ZFAND6: variants seen among roughly 807,000 people sequenced by gnomAD.
ZFAND6 encodes the protein zinc finger AN1-type containing 6, also known as AN1-type zinc finger protein 6.
In ZFAND6, 12 loss-of-function variants were observed where a neutral mutation model predicts 24.5. The ratio of observed to expected loss-of-function variants is 0.49; its 90% CI spans 0.31 to 0.79. The LOEUF is 0.79. Among genes scored for constraint, ZFAND6 ranks in the 30% least tolerant of loss-of-function variants. The probability of loss-of-function intolerance (pLI) is 0.04; values close to 1 mark genes in which losing one functional copy is unlikely to be tolerated. For synonymous variants in ZFAND6, 92 were observed against 81.5 expected (o/e 1.13, Z -0.69); for missense variants, 207 against 245.9 (o/e 0.84, Z 1.06).
chr15:80,102,933 A>C (rs1268444363), intron 2 of ZFAND6, among the ~76,000 whole-genome samples: 3 of 152,216 alleles, frequency 2.0e-5, no homozygotes, highest in Non-Finnish European at 4.4e-5. Flanking sequence ...TCTTTGGAAA[A>C]TCATATGTAA....
chr15:80,064,278 C>G (rs1038729541), intron 1 of ZFAND6, among the ~76,000 whole-genome samples: 14 of 152,034 alleles, frequency 9.2e-5, no homozygotes, highest in Non-Finnish European at 1.6e-4. Flanking sequence ...AAAAGTTTGA[C>G]TAACATCAAA....
At position 80,079,038 on chromosome 15, in the gene ZFAND6, C is replaced by G. The variant is rs1393097835; in HGVS notation, c.-181+19229C>G. ...TATCTCCTAATGCTATCCCTCCCCC[C>G]TCCCGCCACCCCACAACAGTCCCCA... On this transcript the variant is annotated intron_variant, in intron 1 of 6. Coordinates refer to ENST00000261749, the MANE Select transcript of ZFAND6 (RefSeq NM_019006.4). Among the ~76,000 whole-genome samples, 8 of 151,502 alleles carry G rather than the reference C, an allele frequency of 5.3e-5. No individual in the cohort carries two copies. In the South Asian group the frequency reaches 1.5e-3, roughly 28 times the overall value.
intron 6 of ZFAND6, chr15:80,131,631 A>G (rs2040607456): frequency 1.3e-5 from 4 of 319,940 alleles, no homozygotes; most frequent in Non-Finnish European, 2.3e-5. Context: ...AGTACTTTCT[A>G]TATATAAAAT....
intron 2 of ZFAND6, among the ~76,000 whole-genome samples, chr15:80,103,433 A>G (rs549749853): frequency 6.6e-6 from 1 of 152,226 alleles, no homozygotes; most frequent in Admixed American, 6.5e-5. Context: ...GTGGATATTC[A>G]CTCAGAACAT....
intron 1 of ZFAND6, among the ~76,000 whole-genome samples, chr15:80,062,995 AC>A (rs1458954997): frequency 6.6e-6 from 1 of 152,226 alleles, no homozygotes. Flanking sequence ...CATTGCTTCA[AC>A]TTTTCTACTC....
chr15:80,115,439 A>G (rs550258888), intron 2 of ZFAND6, among the ~76,000 whole-genome samples: 1 of 152,276 alleles, frequency 6.6e-6, no homozygotes, highest in African/African-American at 2.4e-5. Context: ...CAGTTAAGGA[A>G]TTGTTCTGCC....
At chr15:80,120,237 C>G (rs1916048) in intron 2 of ZFAND6, 91 bp from the exon 3 acceptor site, 2 of 1,119,348 alleles carry the variant, frequency 1.8e-6, no homozygotes, top group Non-Finnish European at 2.4e-6. Flanking sequence ...TATATGTGGG[C>G]TTTTTTCTTT....
chr15:80,060,120 GTTC>G (rs1202146279), intron 1 of ZFAND6: 1 of 152,054 alleles, frequency 6.6e-6, no homozygotes, highest in Non-Finnish European at 1.5e-5. Context: ...GGGAGCCTCA[GTTC>G]TTCAGGGCCG....
At position 80,112,798 on chromosome 15, in the gene ZFAND6, C is replaced by T. The variant is rs1039102565; in HGVS notation, c.-17-7530C>T. On this transcript the variant is annotated intron_variant, in intron 2 of 6. Transcript: ENST00000261749. Reference sequence around the variant, plus strand: ...TAGTTGGAGATCCAAAGGCTCAGAACTCGGAATTACTGTATGCAACAGGAA... The same window carrying T: ...TAGTTGGAGATCCAAAGGCTCAGAATTCGGAATTACTGTATGCAACAGGAA... The T allele has an allele frequency of 2.6e-5, 12 of 456,050 alleles. No homozygotes were observed. The East Asian group carries it at 4.9e-4, about 18-fold the overall frequency. 28.3% of individuals were successfully genotyped at this position (456,050 alleles called of 1,614,324 possible).
intron 1 of ZFAND6, among the ~76,000 whole-genome samples, chr15:80,073,962 G>A (rs972824631): frequency 6.6e-6 from 1 of 151,792 alleles, no homozygotes; most frequent in Non-Finnish European, 1.5e-5. Context: ...ATTTCTTTTG[G>A]AAAAATCCTG....
At chr15:80,118,204 C>T (rs1242259271) in intron 2 of ZFAND6, among the ~76,000 whole-genome samples, 5 of 152,110 alleles carry the variant, frequency 3.3e-5, no homozygotes, top group Non-Finnish European at 5.9e-5. Flanking sequence ...TCACTGCAAC[C>T]TCCGCCTTCC....
chr15:80,088,813 C>T (rs2038161916), intron 1 of ZFAND6, among the ~76,000 whole-genome samples: 1 of 152,168 alleles, frequency 6.6e-6, no homozygotes, highest in Admixed American at 6.5e-5. Flanking sequence ...TTTATTAAAA[C>T]TTAGCTCCTT....
chr15:80,062,787 A>G (rs573913602), intron 1 of ZFAND6, among the ~76,000 whole-genome samples: 2 of 152,332 alleles, frequency 1.3e-5, no homozygotes, highest in Admixed American at 6.5e-5. Flanking sequence ...AAAGCCACCT[A>G]TAACACCATG....
Position 80,126,642 on chromosome 15 carries a change from G to A in ZFAND6, c.364+3842G>A, listed in dbSNP as rs143349535. On this transcript the variant is annotated intron_variant, in intron 5 of 6. Coordinates refer to ENST00000261749, the MANE Select transcript of ZFAND6 (RefSeq NM_019006.4). ...TCATACCATATGCAAAAATTCACCC[G>A]AAATACATCAAAGACCTAAAACGAA... Among the ~76,000 whole-genome samples the A allele has an allele frequency of 1.5e-4, 23 of 152,140 alleles. 1 individual carries two copies. In the East Asian group the frequency reaches 3.1e-3, roughly 20 times the overall value.
intron 1 of ZFAND6, among the ~76,000 whole-genome samples, chr15:80,061,445 C>T (rs80219630): frequency 0.051 from 7,827 of 152,196 alleles, 228 homozygotes; most frequent in Middle Eastern, 0.061. Flanking sequence ...TCCTTGATGA[C>T]TCCCCCCAAA....
rs537165772 is a variant in ZFAND6 at position 80,089,000 on chromosome 15, C to G, written c.-180-9416C>G. On this transcript the variant is annotated intron_variant, in intron 1 of 6. Transcript: ENST00000261749. ...TCTTGCCCTTGCTTATCTCAGTATCCTCATCTCAACGTGTACTGTACTTCA... is the reference window on the plus strand; with the variant it reads ...TCTTGCCCTTGCTTATCTCAGTATCGTCATCTCAACGTGTACTGTACTTCA... 3.8e-4 allele frequency among the ~76,000 whole-genome samples: 58 copies of G among 152,046 alleles called. 2 individuals are homozygous for G. In the South Asian group the frequency reaches 5.6e-3, roughly 15 times the overall value.
intron 1 of ZFAND6, chr15:80,073,365 T>C: frequency 3.2e-6 from 1 of 310,726 alleles, no homozygotes; most frequent in Non-Finnish European, 6.4e-6. Flanking sequence ...AAGTATCTGA[T>C]TCTATTTACA....
chr15:80,090,665 A>T (rs949021124), intron 1 of ZFAND6, among the ~76,000 whole-genome samples: 5 of 152,186 alleles, frequency 3.3e-5, no homozygotes, highest in Non-Finnish European at 5.9e-5. Flanking sequence ...GTAGGCAGTT[A>T]GCAAAAACAA....
chr15:80,121,645 T>C (rs953179122), intron 3 of ZFAND6, 67 bp from the exon 4 acceptor site: 3 of 1,360,800 alleles, frequency 2.2e-6, no homozygotes, highest in Non-Finnish European at 3.1e-6. Flanking sequence ...GATTTTGATT[T>C]TTTTAGATAA....
Sources: allele counts gnomAD v4.1 joint callset (sites outside exome capture counted in the v4.1 genomes callset), GRCh38; gene constraint gnomAD v4.1.1; transcripts MANE v1.5; gene names NCBI Gene and HGNC (gene_info 2026-07-23, HGNC 2026-07-21).